C10orf67: variants seen among roughly 807,000 people sequenced by gnomAD.
C10orf67 encodes the protein uncharacterized protein C10orf67, mitochondrial.
C10orf67 carries 60 observed loss-of-function variants against 35.6 expected under a neutral mutation model. The ratio of observed to expected loss-of-function variants is 1.68; its 90% CI spans 1.37 to 2.09. The LOEUF is 2.09. Among genes scored for constraint, C10orf67 ranks in the 30% most tolerant of loss-of-function variants. The pLI, the probability that C10orf67 is intolerant of heterozygous loss-of-function variation, is 0.00. For missense variants in C10orf67, 474 were observed against 330.2 expected, an observed-to-expected ratio of 1.44 and a Z score of -3.38; for synonymous variants, 167 against 115.8, an observed-to-expected ratio of 1.44 and a Z score of -2.84.
chr10:23,283,962 G>A (rs1843448894), intron 7 of C10orf67, among the ~76,000 whole-genome samples: 1 of 151,998 alleles, frequency 6.6e-6, no homozygotes, highest in Non-Finnish European at 1.5e-5. Flanking sequence ...CTGGAAGACC[G>A]ACACAGATAC....
At chr10:23,220,702 T>C (rs911564467) in intron 15 of C10orf67, among the ~76,000 whole-genome samples, 4 of 152,216 alleles carry the variant, frequency 2.6e-5, no homozygotes, top group Admixed American at 2.6e-4. Context: ...AGTGGTCTTA[T>C]CTGTAAAATG....
At chr10:23,254,926 G>A (rs1048756682) in intron 10 of C10orf67, among the ~76,000 whole-genome samples, 3 of 152,014 alleles carry the variant, frequency 2.0e-5, no homozygotes, top group East Asian at 1.9e-4. Context: ...CCTTTAAATC[G>A]TCGAATATAT....
chr10:23,291,065 C>A, intron 6 of C10orf67, 67 bp downstream of exon 6: 1 of 625,116 alleles, frequency 1.6e-6, no homozygotes, highest in East Asian at 2.8e-5. Context: ...AAAAGACAAA[C>A]ATAGTTATGA....
At chr10:23,327,008 C>T (rs892841153) in intron 2 of C10orf67, among the ~76,000 whole-genome samples, 3 of 151,940 alleles carry the variant, frequency 2.0e-5, no homozygotes, top group African/African-American at 4.8e-5. Flanking sequence ...CAGAAGGACA[C>T]AATTAGAGAT....
chr10:23,301,267 GC>G (rs1340053643), intron 5 of C10orf67, among the ~76,000 whole-genome samples: 1 of 152,134 alleles, frequency 6.6e-6, no homozygotes, highest in East Asian at 1.9e-4. Flanking sequence ...TCGGCCCTCG[GC>G]TTCCCCAAGA....
At chr10:23,344,082 G>T in intron 1 of C10orf67, 1 of 241,994 alleles carries the variant, frequency 4.1e-6, no homozygotes. Flanking sequence ...TTGCCATGGC[G>T]ACTCCCAGGT....
chr10:23,335,982 G>T (rs1264008753), intron 1 of C10orf67, among the ~76,000 whole-genome samples: 3 of 152,004 alleles, frequency 2.0e-5, no homozygotes, highest in Non-Finnish European at 4.4e-5. Context: ...CCCTTCTCAG[G>T]GTGAAGGAAT....
At chr10:23,265,311 A>G (rs532149073) in intron 10 of C10orf67, among the ~76,000 whole-genome samples, 61 of 152,352 alleles carry the variant, frequency 4.0e-4, no homozygotes, top group African/African-American at 1.4e-3. Flanking sequence ...TTTTTGGAGC[A>G]AGGATGCACA....
intron 4 of C10orf67, among the ~76,000 whole-genome samples, chr10:23,310,177 T>C (rs1246808295): frequency 6.6e-6 from 1 of 152,166 alleles, no homozygotes; most frequent in Non-Finnish European, 1.5e-5. Flanking sequence ...GCTTTATTTT[T>C]TTAACTTAGT....
At chr10:23,284,480 C>T (rs113116663) in intron 7 of C10orf67, among the ~76,000 whole-genome samples, 267 of 150,626 alleles carry the variant, frequency 1.8e-3, no homozygotes, top group East Asian at 7.0e-3. Flanking sequence ...CCCAGGAGTT[C>T]GAGACCAGCC....
intron 12 of C10orf67, among the ~76,000 whole-genome samples, chr10:23,240,162 G>C (rs1404554192): frequency 6.6e-6 from 1 of 152,092 alleles, no homozygotes; most frequent in Non-Finnish European, 1.5e-5. Context: ...CTGCACTCCA[G>C]CCTGGACGAC....
chr10:23,215,441 G>C (rs891366500), intron 15 of C10orf67, among the ~76,000 whole-genome samples: 6 of 151,882 alleles, frequency 4.0e-5, no homozygotes, highest in African/African-American at 1.5e-4. Flanking sequence ...TTACAGGCGT[G>C]CACCACCACA....
At chr10:23,300,993 T>C (rs1366306510) in intron 5 of C10orf67, among the ~76,000 whole-genome samples, 1 of 152,254 alleles carries the variant, frequency 6.6e-6, no homozygotes, top group African/African-American at 2.4e-5. Context: ...TTGTAAAACA[T>C]CAATATAGCC....
intron 2 of C10orf67, among the ~76,000 whole-genome samples, chr10:23,330,949 A>G (rs11013395): frequency 0.57 from 85,185 of 150,068 alleles, 25,334 homozygotes; most frequent in East Asian, 0.87. Flanking sequence ...CTAGGAAAAA[A>G]GGAAGGAAAA....
At chr10:23,313,297 C>A (rs1844567624) in intron 4 of C10orf67, among the ~76,000 whole-genome samples, 1 of 152,168 alleles carries the variant, frequency 6.6e-6, no homozygotes, top group African/African-American at 2.4e-5. Context: ...GAAAATCAGA[C>A]AATGGGTGGA....
chr10:23,227,024 G>T (rs1182767775), intron 13 of C10orf67, among the ~76,000 whole-genome samples: 6 of 152,136 alleles, frequency 3.9e-5, no homozygotes, highest in Non-Finnish European at 1.5e-5. Flanking sequence ...AGGAGGAGCT[G>T]GAACCATTCC....
At chr10:23,276,490 T>C (rs752174044) in intron 8 of C10orf67, among the ~76,000 whole-genome samples, 32 of 152,146 alleles carry the variant, frequency 2.1e-4, no homozygotes, top group South Asian at 8.3e-4. Context: ...CCTATAAATA[T>C]ATAAAGTGGT....
At chr10:23,305,573 C>T (rs1455800572) in intron 4 of C10orf67, among the ~76,000 whole-genome samples, 2 of 152,136 alleles carry the variant, frequency 1.3e-5, no homozygotes, top group African/African-American at 4.8e-5. Context: ...CATGAAACAT[C>T]GCCAATCATC....
At chr10:23,279,265 A>C (rs182816585) in intron 8 of C10orf67, among the ~76,000 whole-genome samples, 1 of 152,372 alleles carries the variant, frequency 6.6e-6, no homozygotes, top group Non-Finnish European at 1.5e-5. Context: ...ACAGGGACAC[A>C]GTCACATTAG....
Sources: allele counts gnomAD v4.1 joint callset (sites outside exome capture counted in the v4.1 genomes callset), GRCh38; gene constraint gnomAD v4.1.1; transcripts MANE v1.5; gene names NCBI Gene and HGNC (gene_info 2026-07-23, HGNC 2026-07-21).